TMEM266: variants seen among roughly 807,000 people sequenced by gnomAD.
TMEM266 encodes transmembrane protein 266, also known as Hv1 related protein 1.
TMEM266 carries 33 observed loss-of-function variants against 50.5 expected under a neutral mutation model. The ratio of observed to expected loss-of-function variants is 0.65; its 90% confidence interval spans 0.50 to 0.87. The LOEUF is 0.87. Ranked by LOEUF, TMEM266 falls within the 40% of genes least tolerant of loss-of-function variation. The pLI is 0.00. For missense variants in TMEM266, 655 were observed against 695.1 expected (o/e 0.94, Z 0.65); for synonymous variants, 310 against 292.3 (o/e 1.06, Z -0.62).
At chr15:76,195,985 C>CAGG (rs77053594) in intron 9 of TMEM266, among the ~76,000 whole-genome samples, 1,919 of 152,296 alleles carry the variant, frequency 0.013, 26 homozygotes, top group African/African-American at 0.023. Flanking sequence ...GGGCAACTTC[C>CAGG]AGGAGGAGGA....
intron 1 of TMEM266, among the ~76,000 whole-genome samples, chr15:76,127,060 C>A (rs933640641): frequency 3.3e-5 from 5 of 152,034 alleles, no homozygotes; most frequent in Non-Finnish European, 5.9e-5. Context: ...TGGTCAATAA[C>A]AACATATTGT....
chr15:76,116,296 G>T (rs753882310), intron 1 of TMEM266, among the ~76,000 whole-genome samples: 1 of 152,088 alleles, frequency 6.6e-6, no homozygotes, highest in Admixed American at 6.6e-5. Context: ...TTGCTGGGCC[G>T]ATAAGGCTCC....
chr15:76,131,263 A>G (rs1236572741), intron 1 of TMEM266, among the ~76,000 whole-genome samples: 1 of 152,240 alleles, frequency 6.6e-6, no homozygotes, highest in Non-Finnish European at 1.5e-5. Context: ...GCTACTTGGG[A>G]GGCTGAGGCA....
At chr15:76,189,187 G>A (rs1596165194) in intron 8 of TMEM266, among the ~76,000 whole-genome samples, 1 of 151,998 alleles carries the variant, frequency 6.6e-6, no homozygotes, top group Non-Finnish European at 1.5e-5. Context: ...GTAAAACCTT[G>A]TCTCAGAAAA....
intron 1 of TMEM266, among the ~76,000 whole-genome samples, chr15:76,086,155 A>G (rs1378021787): frequency 1.3e-5 from 2 of 152,242 alleles, no homozygotes; most frequent in East Asian, 3.8e-4. Context: ...GAAACAAACT[A>G]TGGGATACCC....
rs1190529728 is a variant in TMEM266 at position 76,160,088 on chromosome 15, AT to A, written c.383-5del. The A allele has an allele frequency of 6.2e-7, 1 of 1,613,972 alleles. No homozygotes were observed. Among genetic ancestry groups the A allele is most frequent in the Admixed American group, 1.7e-5 (1 of 60,018 alleles). ...CCTAAAATTGGTCCTTATCGTGTCC[AT>A]TGCAGTTTCCAGCGCATTCCAGTTT... On this transcript the variant is annotated splice_region_variant and splice_polypyrimidine_tract_variant and intron_variant, in intron 4 of 10. Transcript: ENST00000388942. This position sits in a 1 kb window ranked among gnomAD's most constrained non-coding sequence, Gnocchi z 5.7.
At chr15:76,156,540 CG>C in intron 3 of TMEM266, 63 bp from the exon 4 acceptor site, 1 of 1,558,522 alleles carries the variant, frequency 6.4e-7, no homozygotes, top group African/African-American at 1.4e-5. Flanking sequence ...GGGCTTTGGC[CG>C]GGGTCCACCC....
intron 1 of TMEM266, among the ~76,000 whole-genome samples, chr15:76,089,891 G>T (rs546127000): frequency 6.6e-6 from 1 of 152,188 alleles, no homozygotes; most frequent in Non-Finnish European, 1.5e-5. Context: ...CTGGTTGGGG[G>T]CTGTGAAAGA....
chr15:76,092,635 A>G (rs112597280), intron 1 of TMEM266, among the ~76,000 whole-genome samples: 639 of 151,702 alleles, frequency 4.2e-3, no homozygotes, highest in African/African-American at 0.015. Flanking sequence ...AATTACAGTG[A>G]GCTGAGACTG....
intron 1 of TMEM266, among the ~76,000 whole-genome samples, chr15:76,063,673 C>T (rs2036352243): frequency 6.6e-6 from 1 of 152,192 alleles, no homozygotes; most frequent in Non-Finnish European, 1.5e-5. Flanking sequence ...GCCCATCTCC[C>T]CCATGGAATG....
chr15:76,172,087 A>C (rs2038196958), intron 7 of TMEM266, among the ~76,000 whole-genome samples: 1 of 152,190 alleles, frequency 6.6e-6, no homozygotes. Context: ...AGCCACTCAT[A>C]GGGGGCTGGT....
At chr15:76,144,633 C>A (rs1329015751) in intron 3 of TMEM266, among the ~76,000 whole-genome samples, 1 of 152,204 alleles carries the variant, frequency 6.6e-6, no homozygotes, top group African/African-American at 2.4e-5. Context: ...CCACTCTACA[C>A]CCAGGTCACC....
chr15:76,074,378 G>C lies in TMEM266; in HGVS notation c.-97+14362G>C, dbSNP rs550351450. Among the ~76,000 whole-genome samples the C allele has an allele frequency of 7.5e-4, 114 of 152,104 alleles. 3 individuals carry two copies. The highest frequency in any genetic ancestry group is 2.7e-3 in the African/African-American group (113 of 41,388). On this transcript the variant is annotated intron_variant, in intron 1 of 10. Coordinates refer to ENST00000388942, the MANE Select transcript of TMEM266 (RefSeq NM_152335.3). Reference sequence around the variant, plus strand: ...CAGTCGTCACCACCATCCACGTCTGGAATTCTTTTCGCCTTGCAAAGTCAA... The same window carrying C: ...CAGTCGTCACCACCATCCACGTCTGCAATTCTTTTCGCCTTGCAAAGTCAA...
chr15:76,185,478 T>C (rs530076625), intron 8 of TMEM266, among the ~76,000 whole-genome samples: 95 of 152,352 alleles, frequency 6.2e-4, no homozygotes, highest in South Asian at 2.1e-3. Flanking sequence ...TTTGATTCTT[T>C]TTATAGAGTC....
intron 9 of TMEM266, among the ~76,000 whole-genome samples, chr15:76,197,078 C>T (rs1013785015): frequency 2.6e-5 from 4 of 152,188 alleles, no homozygotes; most frequent in East Asian, 1.9e-4. Flanking sequence ...GGGGTGCATG[C>T]GGCCAGCCTG....
chr15:76,202,260 C>T lies in TMEM266; in HGVS notation c.1017C>T (p.Ser339=). Residue 339 remains serine (S), a synonymous_variant, in exon 10 of 11, where the codon AGC becomes AGT. Coordinates refer to ENST00000388942, the MANE Select transcript of TMEM266 (RefSeq NM_152335.3). ...TCAGTCAGTATTACAATGGGCCCAG[C>T]AGTGGTAAGTCTGGGTTGGGGCTGT... 1.2e-6 allele frequency: 2 copies of T among 1,613,496 alleles called. No individual in the cohort carries two copies. The highest frequency in any genetic ancestry group is 1.7e-6 in the Non-Finnish European group (2 of 1,179,576).
intron 1 of TMEM266, among the ~76,000 whole-genome samples, chr15:76,102,990 G>C (rs1034556504): frequency 1.8e-4 from 27 of 152,102 alleles, no homozygotes; most frequent in African/African-American, 6.5e-4. Flanking sequence ...GGAAGCCATG[G>C]GAGGTGGTAA....
intron 8 of TMEM266, chr15:76,181,529 AT>A (rs2038404908): frequency 6.6e-6 from 1 of 152,128 alleles, no homozygotes. Flanking sequence ...CAATTCCTCA[AT>A]TCCTTAGGTG....
intron 9 of TMEM266, among the ~76,000 whole-genome samples, chr15:76,197,282 A>G (rs1169249857): frequency 2.0e-5 from 3 of 152,232 alleles, no homozygotes; most frequent in Non-Finnish European, 2.9e-5. Context: ...AAAGAGCCTC[A>G]GGCAAAGTAG....
Sources: gnomAD v4.1 joint callset for allele counts (sites outside exome capture counted in the v4.1 genomes callset) on GRCh38, gnomAD v4.1.1 for gene constraint, Gnocchi (gnomAD v3.1) non-coding constraint, MANE v1.5 for transcripts, NCBI Gene and HGNC (gene_info 2026-07-23, HGNC 2026-07-21) for gene names.